Variants in ANKRD55 observed in about 807,000 individuals in gnomAD.
The protein encoded by ANKRD55 is ankyrin repeat domain-containing protein 55.
ANKRD55 carries 41 observed loss-of-function variants against 60.6 expected under a neutral mutation model. That is an observed-to-expected ratio of 0.68 (90% CI 0.53 to 0.88). The LOEUF is 0.88. Among genes scored for constraint, ANKRD55 ranks in the 40% least tolerant of loss-of-function variants. ANKRD55 has a pLI of 0.00. For synonymous variants in ANKRD55, 264 were observed against 290.3 expected, an observed-to-expected ratio of 0.91 and a Z score of 0.92; for missense variants, 732 against 767.6, an observed-to-expected ratio of 0.95 and a Z score of 0.55.
chr5:56,210,057 G>C (rs1365658857), intron 2 of ANKRD55, among the ~76,000 whole-genome samples: 1 of 151,804 alleles, frequency 6.6e-6, no homozygotes, highest in African/African-American at 2.4e-5. Context: ...GCCCAGGCTG[G>C]AGTGCCGTGG....
chr5:56,161,754 A>G (rs2111796695), intron 5 of ANKRD55, among the ~76,000 whole-genome samples: 1 of 152,318 alleles, frequency 6.6e-6, no homozygotes, highest in Admixed American at 6.5e-5. Context: ...TAAAGGATTG[A>G]GTGATCCAAC....
At chr5:56,112,510 A>AAAAAAAAAAAAAAAAACAAAAAAAAAAAC (rs1554036580) in intron 9 of ANKRD55, among the ~76,000 whole-genome samples, 1 of 138,004 alleles carries the variant, frequency 7.2e-6, no homozygotes, top group African/African-American at 2.6e-5. Context: ...CTAGCAAAAA[A>AAAAAAAAAAAAAAAAACAAAAAAAAAAAC]AAAAAAAAAA....
At chr5:56,193,049 G>T in intron 2 of ANKRD55, 1 of 954,956 alleles carries the variant, frequency 1.0e-6, no homozygotes. Context: ...GTTTTTGAAA[G>T]CAGATGATGA....
At chr5:56,176,391 T>C (rs935883215) in intron 3 of ANKRD55, 109 bp from the exon 4 acceptor site, 14 of 1,245,838 alleles carry the variant, frequency 1.1e-5, no homozygotes, top group Non-Finnish European at 1.5e-5. Flanking sequence ...CAAACCCAGC[T>C]GTTTGTATGG....
chr5:56,181,017 A>G (rs1259538838), intron 3 of ANKRD55, among the ~76,000 whole-genome samples: 1 of 152,188 alleles, frequency 6.6e-6, no homozygotes, highest in Non-Finnish European at 1.5e-5. Flanking sequence ...CCTGGGCAAC[A>G]TGGTGAAACC....
At chr5:56,150,182 T>C (rs1470306981) in intron 6 of ANKRD55, among the ~76,000 whole-genome samples, 1 of 152,122 alleles carries the variant, frequency 6.6e-6, no homozygotes, top group African/African-American at 2.4e-5. Flanking sequence ...TCTTTTTCAA[T>C]TATGAATATA....
chr5:56,131,641 C>T (rs989047565), intron 7 of ANKRD55, among the ~76,000 whole-genome samples: 4 of 151,194 alleles, frequency 2.6e-5, no homozygotes, highest in African/African-American at 9.7e-5. Flanking sequence ...GCTAAAAATA[C>T]AAAAATTAGC....
At chr5:56,135,676 C>G (rs1200290967) in intron 7 of ANKRD55, among the ~76,000 whole-genome samples, 1 of 151,964 alleles carries the variant, frequency 6.6e-6, no homozygotes, top group African/African-American at 2.4e-5. Context: ...GTTCCACCAC[C>G]TCTTTTCAAT....
intron 5 of ANKRD55, among the ~76,000 whole-genome samples, chr5:56,164,085 C>T (rs1046079746): frequency 1.3e-5 from 2 of 151,946 alleles, no homozygotes; most frequent in Non-Finnish European, 2.9e-5. Flanking sequence ...GAGCTTGAGA[C>T]TCTGTCTCAA....
intron 2 of ANKRD55, among the ~76,000 whole-genome samples, chr5:56,212,586 C>T (rs189962191): frequency 6.4e-4 from 97 of 152,252 alleles, no homozygotes; most frequent in Non-Finnish European, 1.2e-3. Flanking sequence ...GGAATTAGGC[C>T]ATTTATTTGT....
Position 56,105,162 on chromosome 5 carries a change from C to T in ANKRD55, c.1631-2576G>A, listed in dbSNP as rs140909968. ...AATGCAGTAGTGCCATCGTGGCTCA[C>T]GGCAACCTCTGCCTCCCGGGTTCCA... On this transcript the variant is annotated intron_variant, in intron 10 of 11. Transcript: ENST00000341048. 6.3e-3 allele frequency among the ~76,000 whole-genome samples: 947 copies of T among 151,462 alleles called. 6 individuals are homozygous for T. Among genetic ancestry groups the T allele is most frequent in the African/African-American group, 0.021 (872 of 41,216 alleles).
chr5:56,144,203 TA>T (rs1757843155), intron 6 of ANKRD55, among the ~76,000 whole-genome samples: 1 of 152,234 alleles, frequency 6.6e-6, no homozygotes, highest in East Asian at 1.9e-4. Flanking sequence ...GGAAGGCAGA[TA>T]TTAAATGCAC....
intron 2 of ANKRD55, among the ~76,000 whole-genome samples, chr5:56,218,158 A>G (rs1025066755): frequency 6.6e-6 from 1 of 152,230 alleles, no homozygotes; most frequent in African/African-American, 2.4e-5. Context: ...TTGAGATCAT[A>G]TCTACTCCTG....
At chr5:56,193,548 A>T (rs1759160142) in intron 2 of ANKRD55, 1 of 395,974 alleles carries the variant, frequency 2.5e-6, no homozygotes, top group Non-Finnish European at 4.7e-6. Context: ...ATTTATACAG[A>T]TATCAAGCTA....
intron 2 of ANKRD55, among the ~76,000 whole-genome samples, chr5:56,224,715 A>C (rs1332284625): frequency 2.0e-5 from 3 of 152,232 alleles, no homozygotes; most frequent in Admixed American, 2.0e-4. Context: ...CTCTACGCAA[A>C]TAAACTAGAC....
intron 2 of ANKRD55, among the ~76,000 whole-genome samples, chr5:56,208,398 G>T: frequency 6.7e-6 from 1 of 148,468 alleles, no homozygotes. Flanking sequence ...AATTGTATGT[G>T]TTTTTTTAAA....
At chr5:56,151,839 A>G (rs1228277747) in intron 6 of ANKRD55, among the ~76,000 whole-genome samples, 3 of 147,874 alleles carry the variant, frequency 2.0e-5, no homozygotes, top group Non-Finnish European at 3.0e-5. Flanking sequence ...ATATATATAT[A>G]TGTGTGTGTG....
intron 6 of ANKRD55, among the ~76,000 whole-genome samples, chr5:56,152,168 A>AACCACATT (rs1758071530): frequency 6.6e-6 from 1 of 151,354 alleles, no homozygotes; most frequent in Non-Finnish European, 1.5e-5. Context: ...CTGATTCATT[A>AACCACATT]AAAACTTTTG....
intron 9 of ANKRD55, among the ~76,000 whole-genome samples, chr5:56,114,027 A>G (rs994317697): frequency 1.3e-5 from 2 of 148,308 alleles, no homozygotes; most frequent in African/African-American, 4.9e-5. Context: ...CAATAAAAAT[A>G]TATTAAAATG....
Sources: gnomAD v4.1 joint callset for allele counts (sites outside exome capture counted in the v4.1 genomes callset) on GRCh38, gnomAD v4.1.1 for gene constraint, MANE v1.5 for transcripts, NCBI Gene and HGNC (gene_info 2026-07-23, HGNC 2026-07-21) for gene names.